The following RBFOX1 variants were observed in gnomAD, a reference collection of about 807,000 sequenced individuals.
RBFOX1 encodes RNA binding protein fox-1 homolog 1.
Under a neutral mutation model 57.7 loss-of-function variants are expected in RBFOX1, and 8 were observed. The ratio of observed to expected loss-of-function variants is 0.14; its 90% CI spans 0.08 to 0.25. The LOEUF is 0.25. Among genes scored for constraint, RBFOX1 ranks in the 10% least tolerant of loss-of-function variants. The pLI is 1.00. For missense variants in RBFOX1, 611 were observed against 548.5 expected (o/e 1.11, Z -1.14); for synonymous variants, 326 against 222.4 (o/e 1.47, Z -4.15).
intron 1 of RBFOX1, among the ~76,000 whole-genome samples, chr16:5,456,123 AC>A (rs772311993): frequency 2.7e-4 from 41 of 152,138 alleles, no homozygotes; most frequent in Non-Finnish European, 5.0e-4. Flanking sequence ...TAAAAAAAAA[AC>A]GTGCTTAACA....
rs369791033 is a variant in RBFOX1 at position 6,865,116 on chromosome 16, C to A, written c.-15-186941C>A. On this transcript the variant is annotated intron_variant, in intron 3 of 15. Coordinates refer to ENST00000550418, the MANE Select transcript of RBFOX1 (RefSeq NM_018723.4). ...CTCCTGGGTTCAAGCAATTCTCCAC[C>A]CTTAGCCTCCCAAGTAGCTGGGATT... 3.2e-4 allele frequency among the ~76,000 whole-genome samples: 48 copies of A among 150,028 alleles called. No individual in the cohort carries two copies. In the East Asian group the frequency reaches 7.5e-3, roughly 23 times the overall value.
chr16:5,555,341 C>T (rs986687811), intron 2 of RBFOX1, among the ~76,000 whole-genome samples: 7 of 152,102 alleles, frequency 4.6e-5, no homozygotes, highest in Non-Finnish European at 1.0e-4. Flanking sequence ...GCAACCTACA[C>T]CTCCTGGGCT....
At chr16:6,125,199 T>G (rs2096580711) in intron 1 of RBFOX1, among the ~76,000 whole-genome samples, 1 of 152,214 alleles carries the variant, frequency 6.6e-6, no homozygotes, top group Non-Finnish European at 1.5e-5. Flanking sequence ...AGTCATATCT[T>G]TGTCAAGCCC....
chr16:6,693,398 C>G (rs944824725), intron 3 of RBFOX1, among the ~76,000 whole-genome samples: 1 of 150,758 alleles, frequency 6.6e-6, no homozygotes, highest in Non-Finnish European at 1.5e-5. Context: ...AATCACCATC[C>G]CCATCCACTA....
intron 4 of RBFOX1, among the ~76,000 whole-genome samples, chr16:5,943,457 A>C (rs1300786859): frequency 6.6e-6 from 1 of 152,196 alleles, no homozygotes. Flanking sequence ...AAAAGAAAGA[A>C]AAATATGAGG....
chr16:6,116,200 A>G (rs1170715677), intron 1 of RBFOX1, among the ~76,000 whole-genome samples: 7 of 151,894 alleles, frequency 4.6e-5, no homozygotes, highest in African/African-American at 1.2e-4. Context: ...GTCCTCACTC[A>G]TAAAGGGGAG....
At chr16:7,513,891 A>G (rs866916104) in intron 4 of RBFOX1, among the ~76,000 whole-genome samples, 13 of 152,200 alleles carry the variant, frequency 8.5e-5, no homozygotes, top group African/African-American at 2.7e-4. Flanking sequence ...ATTCCCCAAA[A>G]GATTCTGACC....
intron 1 of RBFOX1, among the ~76,000 whole-genome samples, chr16:6,168,040 G>C (rs1010253611): frequency 6.6e-6 from 1 of 152,188 alleles, no homozygotes; most frequent in African/African-American, 2.4e-5. Context: ...GATGGAGACT[G>C]ACAGTTTTGT....
chr16:7,703,790 A>T (rs1439112225), intron 14 of RBFOX1, among the ~76,000 whole-genome samples: 1 of 152,206 alleles, frequency 6.6e-6, no homozygotes, highest in Admixed American at 6.5e-5. Flanking sequence ...CTTAAGTTCA[A>T]GTAAGTATAT....
intron 3 of RBFOX1, among the ~76,000 whole-genome samples, chr16:6,667,764 C>T (rs536939229): frequency 2.6e-5 from 4 of 152,154 alleles, no homozygotes; most frequent in African/African-American, 9.6e-5. Flanking sequence ...TGGTGCGTGC[C>T]TGTAGTCCCA....
At chr16:6,405,703 A>G (rs915405620) in intron 2 of RBFOX1, among the ~76,000 whole-genome samples, 2 of 152,206 alleles carry the variant, frequency 1.3e-5, no homozygotes, top group Non-Finnish European at 2.9e-5. Flanking sequence ...TAGACCCTAT[A>G]CATGACAAAC....
chr16:5,766,000 G>A (rs1039377854), intron 3 of RBFOX1, among the ~76,000 whole-genome samples: 11 of 152,186 alleles, frequency 7.2e-5, no homozygotes, highest in African/African-American at 2.4e-4. Flanking sequence ...TTACAACACT[G>A]GAGAGTCAGC....
At chr16:7,034,454 C>T (rs11859465) in intron 3 of RBFOX1, among the ~76,000 whole-genome samples, 10 of 152,244 alleles carry the variant, frequency 6.6e-5, no homozygotes, top group Admixed American at 5.2e-4. Context: ...CTTCCCCCTT[C>T]TTCCTTGCTG....
chr16:7,555,487 T>C (rs539963474), intron 5 of RBFOX1, among the ~76,000 whole-genome samples: 17 of 152,350 alleles, frequency 1.1e-4, no homozygotes, highest in African/African-American at 3.8e-4. Context: ...CTGTGTACTA[T>C]CTTTGCAACT....
chr16:7,434,331 G>C (rs1012946206), intron 4 of RBFOX1, among the ~76,000 whole-genome samples: 26 of 152,076 alleles, frequency 1.7e-4, no homozygotes, highest in African/African-American at 6.3e-4. Flanking sequence ...AATTAGCTGG[G>C]CACAGTGGCG....
chr16:7,353,321 A>G (rs1433808342), intron 4 of RBFOX1, among the ~76,000 whole-genome samples: 1 of 152,234 alleles, frequency 6.6e-6, no homozygotes, highest in Non-Finnish European at 1.5e-5. Context: ...AAGAAGTGTC[A>G]GCAAAGATGC....
intron 2 of RBFOX1, among the ~76,000 whole-genome samples, chr16:6,432,663 C>G (rs896703588): frequency 5.3e-5 from 8 of 151,876 alleles, no homozygotes; most frequent in African/African-American, 1.7e-4. Context: ...GGCTGAGTAA[C>G]AGATTGAGAC....
intron 3 of RBFOX1, among the ~76,000 whole-genome samples, chr16:5,635,320 G>A (rs2048648200): frequency 6.6e-6 from 1 of 152,176 alleles, no homozygotes; most frequent in Non-Finnish European, 1.5e-5. Context: ...TTTTGGCATG[G>A]AGGGAATATG....
chr16:6,193,398 A>ACATTATATATATATAC (rs1222496783), intron 1 of RBFOX1, among the ~76,000 whole-genome samples: 1 of 62,858 alleles, frequency 1.6e-5, no homozygotes, highest in Non-Finnish European at 3.0e-5. Flanking sequence ...TATACTATAT[A>ACATTATATATATATAC]TATATATATA....
Sources: allele counts gnomAD v4.1 joint callset (sites outside exome capture counted in the v4.1 genomes callset), GRCh38; gene constraint gnomAD v4.1.1; transcripts MANE v1.5; gene names NCBI Gene and HGNC (gene_info 2026-07-23, HGNC 2026-07-21).